Variants in CLSTN2 observed in about 807,000 individuals in gnomAD.
CLSTN2 encodes calsyntenin-2.
A neutral mutation model predicts 101.2 loss-of-function variants in CLSTN2; 48 were observed. The ratio of observed to expected loss-of-function variants is 0.47; its 90% CI spans 0.38 to 0.60. The LOEUF (loss-of-function observed/expected upper bound fraction) is 0.60. Among genes scored for constraint, CLSTN2 ranks in the 20% least tolerant of loss-of-function variants. CLSTN2 has a pLI of 0.00. For missense variants in CLSTN2, 1,160 were observed against 1,238.2 expected, an observed-to-expected ratio of 0.94 and a Z score of 0.95; for synonymous variants, 481 against 463.6, an observed-to-expected ratio of 1.04 and a Z score of -0.48.
intron 1 of CLSTN2, among the ~76,000 whole-genome samples, chr3:139,980,251 C>G (rs1935891968): frequency 6.6e-6 from 1 of 152,050 alleles, no homozygotes; most frequent in African/African-American, 2.4e-5. Flanking sequence ...TCATTCTGTC[C>G]CCACCTTTCT....
intron 1 of CLSTN2, among the ~76,000 whole-genome samples, chr3:140,019,531 C>T (rs1156562305): frequency 6.6e-6 from 1 of 152,208 alleles, no homozygotes; most frequent in Non-Finnish European, 1.5e-5. Flanking sequence ...TTCTGTTTCT[C>T]TGGAAAACCC....
At chr3:140,377,888 G>C (rs2087934026) in intron 2 of CLSTN2, among the ~76,000 whole-genome samples, 1 of 152,184 alleles carries the variant, frequency 6.6e-6, no homozygotes, top group South Asian at 2.1e-4. Flanking sequence ...CACTCACCCA[G>C]AGTAACTTTC....
intron 8 of CLSTN2, among the ~76,000 whole-genome samples, chr3:140,474,857 C>A (rs60209606): frequency 0.058 from 8,842 of 152,132 alleles, 841 homozygotes; most frequent in African/African-American, 0.2. Context: ...CCTAGGAGCA[C>A]CCCTCACCCA....
chr3:140,526,546 C>G (rs1935141683), intron 8 of CLSTN2, among the ~76,000 whole-genome samples: 1 of 144,830 alleles, frequency 6.9e-6, no homozygotes, highest in Non-Finnish European at 1.5e-5. Flanking sequence ...TCATTTTTTA[C>G]AGAATTAGAA....
chr3:139,950,979 G>T (rs1379550902), intron 1 of CLSTN2, among the ~76,000 whole-genome samples: 2 of 152,182 alleles, frequency 1.3e-5, no homozygotes, highest in Non-Finnish European at 2.9e-5. Context: ...AATGCTGAAA[G>T]ACTTCTGGCA....
chr3:140,126,952 G>A (rs1365316506), intron 1 of CLSTN2, among the ~76,000 whole-genome samples: 2 of 151,600 alleles, frequency 1.3e-5, no homozygotes, highest in African/African-American at 4.9e-5. Context: ...TTAAAATAAT[G>A]TAATTAGCAA....
intron 1 of CLSTN2, among the ~76,000 whole-genome samples, chr3:140,072,081 A>G (rs559433434): frequency 2.0e-5 from 3 of 152,282 alleles, no homozygotes; most frequent in East Asian, 1.9e-4. Context: ...ATGAGCATCA[A>G]ACTTTCTTCT....
chr3:139,991,865 T>C (rs1936120908), intron 1 of CLSTN2, among the ~76,000 whole-genome samples: 1 of 152,224 alleles, frequency 6.6e-6, no homozygotes, highest in Admixed American at 6.5e-5. Context: ...AGGTTTGCTT[T>C]CTTCCTTACC....
chr3:140,074,053 C>T (rs1029040630), intron 1 of CLSTN2, among the ~76,000 whole-genome samples: 4 of 152,176 alleles, frequency 2.6e-5, no homozygotes, highest in Non-Finnish European at 4.4e-5. Context: ...GGCTACCCTC[C>T]TCCACTTATG....
At chr3:140,415,282 C>T (rs767951087) in intron 4 of CLSTN2, among the ~76,000 whole-genome samples, 2 of 151,764 alleles carry the variant, frequency 1.3e-5, no homozygotes, top group African/African-American at 2.4e-5. Context: ...GTAGTGGCAA[C>T]AATTTTTTAA....
At chr3:140,367,108 G>C (rs1378623997) in intron 2 of CLSTN2, among the ~76,000 whole-genome samples, 1 of 152,202 alleles carries the variant, frequency 6.6e-6, no homozygotes, top group East Asian at 1.9e-4. Flanking sequence ...CTGAAGGGGT[G>C]CTTTAGACAC....
intron 8 of CLSTN2, among the ~76,000 whole-genome samples, chr3:140,511,951 G>A (rs1934823880): frequency 6.6e-6 from 1 of 151,752 alleles, no homozygotes; most frequent in Non-Finnish European, 1.5e-5. Flanking sequence ...TTTGTGAAGT[G>A]TCTGTTCATG....
intron 1 of CLSTN2, among the ~76,000 whole-genome samples, chr3:140,041,165 G>C (rs779058695): frequency 5.3e-5 from 8 of 152,114 alleles, no homozygotes; most frequent in Admixed American, 2.0e-4. Context: ...ATCATCTTGA[G>C]ATATACAGGC....
At chr3:140,087,871 G>C (rs1262833606) in intron 1 of CLSTN2, among the ~76,000 whole-genome samples, 1 of 152,142 alleles carries the variant, frequency 6.6e-6, no homozygotes, top group Admixed American at 6.6e-5. Context: ...AGAGATAGTA[G>C]TGTCTGGAAG....
At chr3:140,433,372 G>T (rs1359111599) in intron 5 of CLSTN2, among the ~76,000 whole-genome samples, 1 of 152,198 alleles carries the variant, frequency 6.6e-6, no homozygotes, top group African/African-American at 2.4e-5. Flanking sequence ...CTTGCCCAAG[G>T]TTATGTAGAG....
chr3:140,081,178 A>G (rs1470516449), intron 1 of CLSTN2, among the ~76,000 whole-genome samples: 1 of 152,232 alleles, frequency 6.6e-6, no homozygotes, highest in Non-Finnish European at 1.5e-5. Flanking sequence ...CACGGGGGAA[A>G]TTTTGAACAA....
intron 2 of CLSTN2, among the ~76,000 whole-genome samples, chr3:140,373,380 C>T (rs1041541058): frequency 6.6e-6 from 1 of 152,188 alleles, no homozygotes; most frequent in African/African-American, 2.4e-5. Flanking sequence ...AACCACCAAG[C>T]ATAAAACATG....
intron 2 of CLSTN2, among the ~76,000 whole-genome samples, chr3:140,283,464 T>C (rs956213736): frequency 2.0e-5 from 3 of 152,106 alleles, no homozygotes; most frequent in Non-Finnish European, 4.4e-5. Context: ...AAACTGAGCC[T>C]GTGGAGTCAG....
chr3:140,317,290 C>CG (rs918775410), intron 2 of CLSTN2, among the ~76,000 whole-genome samples: 1 of 152,098 alleles, frequency 6.6e-6, no homozygotes, highest in Non-Finnish European at 1.5e-5. Context: ...GGACTCTTCT[C>CG]GGGGAGCTCA....
Sources: allele counts gnomAD v4.1 joint callset (sites outside exome capture counted in the v4.1 genomes callset), GRCh38; gene constraint gnomAD v4.1.1; transcripts MANE v1.5; gene names NCBI Gene and HGNC (gene_info 2026-07-23, HGNC 2026-07-21).